Variants in TMPRSS11E observed in about 807,000 individuals in gnomAD.
TMPRSS11E encodes the protein transmembrane serine protease 11E, also known as transmembrane protease serine 11E.
TMPRSS11E carries 38 observed loss-of-function variants against 48.1 expected under a neutral mutation model. The observed-to-expected ratio is 0.79, with a 90% CI of 0.61 to 1.04. The LOEUF is 1.04. TMPRSS11E is among the 50% of genes least tolerant of loss of function. TMPRSS11E has a pLI of 0.00. For synonymous variants in TMPRSS11E, 158 were observed against 171.9 expected (o/e 0.92, Z 0.63); for missense variants, 530 against 510.8 (o/e 1.04, Z -0.36).
chr4:68,459,990 G>C (rs1215778795), intron 1 of TMPRSS11E, among the ~76,000 whole-genome samples: 1 of 152,170 alleles, frequency 6.6e-6, no homozygotes, highest in Non-Finnish European at 1.5e-5. Context: ...TTATATTGCA[G>C]TAATTGACAT....
intron 8 of TMPRSS11E, 76 bp from the exon 9 acceptor site, chr4:68,478,773 C>T: frequency 6.5e-7 from 1 of 1,531,710 alleles, no homozygotes; most frequent in Non-Finnish European, 9.0e-7. Flanking sequence ...CATCTTATTC[C>T]TAATCATGAA....
chr4:68,492,726 A>C (rs976358609), intron 9 of TMPRSS11E, among the ~76,000 whole-genome samples: 1 of 152,178 alleles, frequency 6.6e-6, no homozygotes, highest in Non-Finnish European at 1.5e-5. Context: ...CAGTTGACAA[A>C]AATGTGACCA....
chr4:68,450,421 C>A (rs1560544665), intron 1 of TMPRSS11E, among the ~76,000 whole-genome samples: 1 of 151,868 alleles, frequency 6.6e-6, no homozygotes, highest in Non-Finnish European at 1.5e-5. Flanking sequence ...AATCTAGAAT[C>A]TAATTCTGAT....
chr4:68,477,579 A>G lies in TMPRSS11E; in HGVS notation c.918A>G (p.Gln306=), dbSNP rs374093098. 8 of 1,613,998 alleles carry G rather than the reference A, an allele frequency of 5.0e-6. No homozygotes were observed. The highest frequency in any genetic ancestry group is 6.8e-6 in the Non-Finnish European group (8 of 1,179,974). The change falls in exon 8 of 10, where the codon CAA becomes CAG. Residue 306 remains glutamine, a synonymous_variant. Transcript: ENST00000305363. ...TCCCTGATGCATCCTATGAGTTTCA[A>G]CCAGGTGATGTGATGTTTGTGACAG... ...VCLPDASYEF[Q]PGDVMFVTGF...
intron 2 of TMPRSS11E, among the ~76,000 whole-genome samples, chr4:68,465,008 C>T (rs1728888833): frequency 6.6e-6 from 1 of 152,086 alleles, no homozygotes; most frequent in African/African-American, 2.4e-5. Flanking sequence ...AACTATGAGG[C>T]AGATGTTAAA....
At chr4:68,452,713 T>C (rs1046174680) in intron 1 of TMPRSS11E, among the ~76,000 whole-genome samples, 4 of 152,026 alleles carry the variant, frequency 2.6e-5, no homozygotes, top group Non-Finnish European at 4.4e-5. Context: ...GTGTTTCAAC[T>C]TTCCTAATTC....
chr4:68,493,416 G>A (rs1425842683), intron 9 of TMPRSS11E, among the ~76,000 whole-genome samples: 1 of 152,100 alleles, frequency 6.6e-6, no homozygotes, highest in Admixed American at 6.6e-5. Context: ...AGCCAAATTT[G>A]CCCTATGATT....
chr4:68,481,935 G>A (rs1464944224), intron 9 of TMPRSS11E, among the ~76,000 whole-genome samples: 1 of 152,064 alleles, frequency 6.6e-6, no homozygotes, highest in African/African-American at 2.4e-5. Context: ...GCAAAACCCT[G>A]TCTCCAAAAA....
chr4:68,490,751 CTTTTTTTTT>C lies in TMPRSS11E; in HGVS notation c.1111-5874_1111-5866del, dbSNP rs1158277585. On this transcript the variant is annotated intron_variant, in intron 9 of 9. Coordinates refer to ENST00000305363, the MANE Select transcript of TMPRSS11E (RefSeq NM_014058.4). Reference sequence around the variant, plus strand: ...GTTCATGCTTCCCACTCAGCATATTCTTTTTTTTTTTTTTTTTTTTTTTTTTGAGGTGGA... The same window carrying C: ...GTTCATGCTTCCCACTCAGCATATTCTTTTTTTTTTTTTTTTTGAGGTGGA... Among the ~76,000 whole-genome samples, 39 of 69,328 alleles carry C rather than the reference CTTTTTTTTT, an allele frequency of 5.6e-4. 1 individual carries two copies. The East Asian group carries it at 0.015, about 26-fold the overall frequency. The allele number at this position is 69,328 out of a possible 152,430, so 45.5% of individuals were successfully genotyped here. A position where few individuals can be genotyped will look rare whatever the true frequency, so the allele number is the denominator to read the frequency against.
chr4:68,479,008 A>G lies in TMPRSS11E; in HGVS notation c.1110+17A>G, dbSNP rs750925402. ...GCATGCCAGGTAAACAGTTTTGCCC[A>G]TTAGTAGGTTGTGTAATTTTTTGTT... On this transcript the variant is annotated intron_variant, in intron 9 of 9. Coordinates refer to ENST00000305363, the MANE Select transcript of TMPRSS11E (RefSeq NM_014058.4). 2.0e-5 allele frequency: 32 copies of G among 1,607,562 alleles called. No homozygotes were observed. In the South Asian group the frequency reaches 3.4e-4, roughly 17 times the overall value.
chr4:68,453,076 C>T (rs1728542123), intron 1 of TMPRSS11E, among the ~76,000 whole-genome samples: 1 of 151,912 alleles, frequency 6.6e-6, no homozygotes, highest in Admixed American at 6.6e-5. Flanking sequence ...GCTTCCTCTA[C>T]CTTCCTGTCT....
At chr4:68,463,681 C>G (rs1728853257) in intron 2 of TMPRSS11E, among the ~76,000 whole-genome samples, 1 of 152,168 alleles carries the variant, frequency 6.6e-6, no homozygotes. Flanking sequence ...TTGAGTCCTA[C>G]TTTGTTGTAA....
intron 7 of TMPRSS11E, 33 bp downstream of exon 7, chr4:68,476,471 G>C (rs1443484217): frequency 6.4e-7 from 1 of 1,562,866 alleles, no homozygotes; most frequent in Non-Finnish European, 8.7e-7. Context: ...GATTGGGAGT[G>C]AACAAAGTGC....
intron 9 of TMPRSS11E, among the ~76,000 whole-genome samples, chr4:68,490,374 TA>T (rs1560561120): frequency 8.2e-5 from 6 of 73,168 alleles, no homozygotes; most frequent in Admixed American, 1.4e-4. Context: ...ATTAAATTAT[TA>T]TTATTTAAAA....
chr4:68,461,733 C>T, intron 1 of TMPRSS11E, 88 bp from the exon 2 acceptor site: 1 of 1,584,552 alleles, frequency 6.3e-7, no homozygotes, highest in Non-Finnish European at 8.6e-7. Flanking sequence ...AACTGAATGT[C>T]CTTTATTCCC....
Position 68,477,638 on chromosome 4 carries a change from G to A in TMPRSS11E, c.967+10G>A, listed in dbSNP as rs779828386. The A allele has an allele frequency of 7.5e-6, 12 of 1,609,226 alleles. No individual in the cohort carries two copies. Among genetic ancestry groups the A allele is most frequent in the South Asian group, 2.2e-5 (2 of 90,094 alleles). ...GCACTGAAAAATGATGGTGAGCATC[G>A]GAAGAGGAACTCAAGTAAAAGTTAA... On this transcript the variant is annotated intron_variant, in intron 8 of 9. Coordinates refer to ENST00000305363, the MANE Select transcript of TMPRSS11E (RefSeq NM_014058.4).
chr4:68,487,279 T>G (rs997720431), intron 9 of TMPRSS11E, among the ~76,000 whole-genome samples: 1 of 151,798 alleles, frequency 6.6e-6, no homozygotes, highest in Admixed American at 6.6e-5. Context: ...TGAGACCGCG[T>G]TTTGCTCTTG....
At chr4:68,478,812 G>T (rs759853697) in intron 8 of TMPRSS11E, 37 bp from the exon 9 acceptor site, 4 of 1,603,922 alleles carry the variant, frequency 2.5e-6, no homozygotes, top group East Asian at 2.2e-5. Context: ...TAAAATATAT[G>T]TATGTCTACA....
chr4:68,473,723 T>A (rs1459199022), intron 5 of TMPRSS11E, among the ~76,000 whole-genome samples: 5 of 152,124 alleles, frequency 3.3e-5, no homozygotes, highest in Non-Finnish European at 7.4e-5. Flanking sequence ...GCCAGCCTTG[T>A]CAGTGCTATC....
Sources: allele counts gnomAD v4.1 joint callset (sites outside exome capture counted in the v4.1 genomes callset), GRCh38; gene constraint gnomAD v4.1.1; transcripts MANE v1.5; gene names NCBI Gene and HGNC (gene_info 2026-07-23, HGNC 2026-07-21).